CHLSN: variants seen among roughly 807,000 people sequenced by gnomAD.
The protein encoded by CHLSN is cholesin.
At chr7:1,017,558 G>A in the CHLSN span, among the ~76,000 whole-genome samples, 1 of 152,206 alleles carries the variant, frequency 6.6e-6, no homozygotes, top group Admixed American at 6.5e-5. Flanking sequence ...GAGGTGGGGA[G>A]GGCTCCACAC....
chr7:1,113,381 G>A, the CHLSN span, among the ~76,000 whole-genome samples: 4 of 152,202 alleles, frequency 2.6e-5, no homozygotes, highest in Admixed American at 6.5e-5. Flanking sequence ...CCCAGAAGGC[G>A]CCGCCCGGGC....
chr7:979,168 C>T, the CHLSN span, among the ~76,000 whole-genome samples: 2,938 of 152,306 alleles, frequency 0.019, 130 homozygotes, highest in East Asian at 0.21. Flanking sequence ...ATTTTGCTTT[C>T]GAAGAAGTAA....
At chr7:1,066,414 C>T in the CHLSN span, among the ~76,000 whole-genome samples, 1 of 152,248 alleles carries the variant, frequency 6.6e-6, no homozygotes, top group Non-Finnish European at 1.5e-5. Context: ...TGCTGAGGGA[C>T]AGGGGAGCGG....
At chr7:1,053,625 C>T in the CHLSN span, among the ~76,000 whole-genome samples, 2 of 152,136 alleles carry the variant, frequency 1.3e-5, no homozygotes, top group African/African-American at 2.4e-5. Context: ...GTCGGGAGTT[C>T]GAGATCAGCC....
chr7:1,008,766 A>G, the CHLSN span, among the ~76,000 whole-genome samples: 1 of 152,114 alleles, frequency 6.6e-6, no homozygotes, highest in African/African-American at 2.4e-5. Context: ...ACACGTGCAT[A>G]AACACACACG....
the CHLSN span, among the ~76,000 whole-genome samples, chr7:1,080,340 C>G: frequency 6.6e-6 from 1 of 152,268 alleles, no homozygotes; most frequent in African/African-American, 2.4e-5. Context: ...CGCGGCACAG[C>G]CCCCCGTGCT....
At chr7:1,044,607 G>A in the CHLSN span, 1 of 151,122 alleles carries the variant, frequency 6.6e-6, no homozygotes, top group African/African-American at 2.4e-5. Context: ...GCCTCCGCCA[G>A]CCCGAGCTGC....
chr7:986,490 G>A, the CHLSN span: 372 of 1,051,206 alleles, frequency 3.5e-4, no homozygotes, highest in East Asian at 6.1e-3. Flanking sequence ...GGGTCCCCCC[G>A]TTCTGTGGCC....
chr7:986,816 C>A, the CHLSN span: 1 of 1,519,236 alleles, frequency 6.6e-7, no homozygotes. Context: ...GGACCCAAGA[C>A]CTCCTTGAAG....
chr7:1,092,579 T>A, the CHLSN span: 1 of 1,611,168 alleles, frequency 6.2e-7, no homozygotes, highest in East Asian at 2.2e-5. Context: ...GTGCACCTCC[T>A]GCAGCGGACG....
At chr7:1,058,971 G>A in the CHLSN span, 1 of 186,922 alleles carries the variant, frequency 5.3e-6, no homozygotes, top group African/African-American at 2.4e-5. Context: ...AGGGTGGCCG[G>A]GCCCTGCCAG....
chr7:1,110,564 C>T, the CHLSN span, among the ~76,000 whole-genome samples: 1 of 152,176 alleles, frequency 6.6e-6, no homozygotes, highest in African/African-American at 2.4e-5. Context: ...GAGCGGGTGT[C>T]GGGGGTTTGG....
chr7:996,191 A>G, the CHLSN span, among the ~76,000 whole-genome samples: 1 of 152,194 alleles, frequency 6.6e-6, no homozygotes, highest in Admixed American at 6.5e-5. Flanking sequence ...AGCAGTGGCC[A>G]CGGGAAGCCC....
At chr7:1,097,433 C>T in the CHLSN span, among the ~76,000 whole-genome samples, 3 of 152,154 alleles carry the variant, frequency 2.0e-5, no homozygotes, top group Non-Finnish European at 4.4e-5. This position sits in a 1 kb window ranked among gnomAD's most constrained non-coding sequence, Gnocchi z 4.3. Context: ...TCGTGATAGA[C>T]CATGAAAAGC....
At chr7:1,064,602 T>C in the CHLSN span, among the ~76,000 whole-genome samples, 2 of 152,132 alleles carry the variant, frequency 1.3e-5, no homozygotes, top group African/African-American at 4.8e-5. Context: ...AAAGCTCAAG[T>C]GTCACCCTGA....
chr7:1,009,650 G>A, the CHLSN span, among the ~76,000 whole-genome samples: 3 of 152,286 alleles, frequency 2.0e-5, no homozygotes. Context: ...CAGGCCCGTG[G>A]ATTCTTCCTG....
the CHLSN span, chr7:1,056,115 C>T: frequency 1.3e-5 from 2 of 153,794 alleles, no homozygotes; most frequent in East Asian, 3.8e-4. Flanking sequence ...TGCATCCTGT[C>T]TGGAGCTTGT....
chr7:984,804 C>T, the CHLSN span: 1 of 1,259,048 alleles, frequency 7.9e-7, no homozygotes, highest in Non-Finnish European at 1.1e-6. Context: ...GGGGCCAGGG[C>T]CAGCCCAGGG....
the CHLSN span, among the ~76,000 whole-genome samples, chr7:978,705 C>T: frequency 1.3e-5 from 2 of 152,234 alleles, no homozygotes; most frequent in African/African-American, 4.8e-5. Context: ...TCATCTGACA[C>T]AGAGAAACAG....
Sources: gnomAD v4.1 joint callset for allele counts (sites outside exome capture counted in the v4.1 genomes callset) on GRCh38, gnomAD v4.1.1 for gene constraint, Gnocchi (gnomAD v3.1) non-coding constraint, MANE v1.5 for transcripts, NCBI Gene and HGNC (gene_info 2026-07-23, HGNC 2026-07-21) for gene names.